The following LRP1B variants were observed in gnomAD, a reference collection of about 807,000 sequenced individuals.
LRP1B encodes the protein LDL receptor related protein 1B, also known as low-density lipoprotein receptor-related protein 1B.
A neutral mutation model predicts 556.6 loss-of-function variants in LRP1B; 217 were observed. That is an observed-to-expected ratio of 0.39 (90% CI 0.35 to 0.44). The LOEUF is 0.44. Ranked by LOEUF, LRP1B falls within the 20% of genes least tolerant of loss-of-function variation. LRP1B has a pLI of 1.00. For missense variants in LRP1B, 5,053 were observed against 5,620.8 expected (o/e 0.90, Z 3.23); for synonymous variants, 2,047 against 1,865.8 (o/e 1.10, Z -2.50).
intron 1 of LRP1B, among the ~76,000 whole-genome samples, chr2:141,821,143 A>G (rs766850406): frequency 6.6e-6 from 1 of 152,204 alleles, no homozygotes; most frequent in Non-Finnish European, 1.5e-5. Context: ...CATCACCTAG[A>G]GCCTCCAAAA....
chr2:141,615,493 GA>G (rs1223109370), intron 2 of LRP1B, among the ~76,000 whole-genome samples: 7 of 152,060 alleles, frequency 4.6e-5, no homozygotes, highest in African/African-American at 1.4e-4. Context: ...GCATTAGGCT[GA>G]AATTCCTACA....
chr2:141,928,578 TC>T (rs1700401134), intron 1 of LRP1B, among the ~76,000 whole-genome samples: 1 of 152,144 alleles, frequency 6.6e-6, no homozygotes, highest in Non-Finnish European at 1.5e-5. Flanking sequence ...AGGCAGACAT[TC>T]TGAGTCAAAC....
chr2:141,650,071 T>C (rs1267131263), intron 2 of LRP1B, among the ~76,000 whole-genome samples: 3 of 152,022 alleles, frequency 2.0e-5, no homozygotes, highest in Non-Finnish European at 2.9e-5. Flanking sequence ...TCCCAGCTAG[T>C]TGGGGGGCTG....
In LRP1B at chr2:141,484,143, G is replaced by A. The variant is rs543385371; in HGVS notation, c.206-3610C>T. ...CCATCTTGAATTAATTTTTGTATAA[G>A]GTGTAAGTAAGGGATCCAGTTTCAG... is the stretch of plus-strand genomic sequence containing the variant. On this transcript the variant is annotated intron_variant, in intron 2 of 90. Transcript: ENST00000389484. 4.4e-3 allele frequency among the ~76,000 whole-genome samples: 655 copies of A among 149,940 alleles called. 8 individuals are homozygous for A. The highest frequency in any genetic ancestry group is 0.014 in the African/African-American group (586 of 41,086).
At chr2:141,296,721 A>T (rs1226136665) in intron 3 of LRP1B, among the ~76,000 whole-genome samples, 1 of 152,144 alleles carries the variant, frequency 6.6e-6, no homozygotes, top group African/African-American at 2.4e-5. Flanking sequence ...AAATAATTTT[A>T]ACTTTTATTT....
chr2:140,372,363 AC>A, intron 69 of LRP1B, among the ~76,000 whole-genome samples: 1 of 152,154 alleles, frequency 6.6e-6, no homozygotes, highest in East Asian at 1.9e-4. Flanking sequence ...TGTGATTCTG[AC>A]CTAGTCTCTC....
intron 25 of LRP1B, among the ~76,000 whole-genome samples, chr2:140,871,929 C>G (rs1009442965): frequency 6.6e-6 from 1 of 151,702 alleles, no homozygotes; most frequent in Admixed American, 6.6e-5. Flanking sequence ...TTAAGGAGCT[C>G]AATGGTTAGA....
chr2:141,932,044 A>C (rs964393097), intron 1 of LRP1B, among the ~76,000 whole-genome samples: 21 of 152,182 alleles, frequency 1.4e-4, no homozygotes, highest in Middle Eastern at 3.4e-3. Context: ...CAGCAGGTGG[A>C]CTAGATTAGG....
chr2:141,957,037 C>A (rs1701273246), intron 1 of LRP1B, among the ~76,000 whole-genome samples: 1 of 151,978 alleles, frequency 6.6e-6, no homozygotes, highest in Non-Finnish European at 1.5e-5. Context: ...TGAAGATGTT[C>A]TTTGATTTGG....
intron 2 of LRP1B, among the ~76,000 whole-genome samples, chr2:141,519,222 TAAC>T (rs1358516494): frequency 1.3e-5 from 2 of 151,632 alleles, no homozygotes; most frequent in Non-Finnish European, 2.9e-5. Flanking sequence ...AAATAAAACT[TAAC>T]TAATAGTTAC....
intron 85 of LRP1B, among the ~76,000 whole-genome samples, 182 bp downstream of exon 85, chr2:140,274,242 T>G (rs945965124): frequency 6.6e-6 from 1 of 152,046 alleles, no homozygotes; most frequent in South Asian, 2.1e-4. Context: ...ACAATAGATG[T>G]TGAATAAGTT....
chr2:141,451,613 A>G (rs923214653), intron 3 of LRP1B, among the ~76,000 whole-genome samples: 12 of 152,172 alleles, frequency 7.9e-5, no homozygotes, highest in Non-Finnish European at 1.8e-4. Flanking sequence ...TTGTTCTCAT[A>G]GAAGTTATAC....
intron 67 of LRP1B, among the ~76,000 whole-genome samples, chr2:140,384,481 A>G (rs1043562864): frequency 2.6e-5 from 4 of 152,204 alleles, no homozygotes; most frequent in African/African-American, 9.6e-5. Flanking sequence ...GACTCTCTGC[A>G]ATGCTCTTTA....
intron 30 of LRP1B, among the ~76,000 whole-genome samples, chr2:140,840,301 G>GA (rs1228898421): frequency 2.4e-4 from 36 of 152,156 alleles, no homozygotes; most frequent in Admixed American, 4.6e-4. Context: ...TGTTAGTGAA[G>GA]AAAAAATATC....
intron 2 of LRP1B, among the ~76,000 whole-genome samples, chr2:141,550,157 T>C (rs1398041723): frequency 6.6e-6 from 1 of 152,218 alleles, no homozygotes; most frequent in Admixed American, 6.5e-5. Context: ...ATGACTAATT[T>C]ATCTCCAAGT....
At chr2:141,253,411 G>GT (rs767567559) in intron 4 of LRP1B, among the ~76,000 whole-genome samples, 22 of 151,946 alleles carry the variant, frequency 1.4e-4, no homozygotes, top group Non-Finnish European at 3.1e-4. Context: ...GATAATAAAT[G>GT]TTTTTTTATA....
chr2:140,693,718 C>T (rs1252573258), intron 41 of LRP1B, among the ~76,000 whole-genome samples: 8 of 137,456 alleles, frequency 5.8e-5, no homozygotes, highest in East Asian at 2.5e-4. Context: ...GGGTGGGTGG[C>T]GGGGGGGCGT....
chr2:141,933,849 T>A (rs1435625301), intron 1 of LRP1B, among the ~76,000 whole-genome samples: 1 of 152,138 alleles, frequency 6.6e-6, no homozygotes, highest in Non-Finnish European at 1.5e-5. Context: ...AGACCTCAGA[T>A]AATTCCCATT....
At chr2:140,324,699 A>AT (rs1558802201) in intron 80 of LRP1B, among the ~76,000 whole-genome samples, 1 of 151,840 alleles carries the variant, frequency 6.6e-6, no homozygotes, top group Non-Finnish European at 1.5e-5. Context: ...TAACTTTTGA[A>AT]ACTGAAATTT....
Sources: allele counts gnomAD v4.1 joint callset (sites outside exome capture counted in the v4.1 genomes callset), GRCh38; gene constraint gnomAD v4.1.1; transcripts MANE v1.5; gene names NCBI Gene and HGNC (gene_info 2026-07-23, HGNC 2026-07-21).